QTMAN: variants seen among roughly 807,000 people sequenced by gnomAD.
The protein encoded by QTMAN is queuosine-tRNA mannosyltransferase, also known as tRNA-queuosine alpha-mannosyltransferase.
At chr2:144,275,480 C>A in the QTMAN span, among the ~76,000 whole-genome samples, 1 of 152,028 alleles carries the variant, frequency 6.6e-6, no homozygotes, top group African/African-American at 2.4e-5. Context: ...ACTTCAAAAT[C>A]TGACCTATGC....
the QTMAN span, chr2:144,176,992 T>A: frequency 1.8e-6 from 1 of 558,010 alleles, no homozygotes; most frequent in East Asian, 2.8e-5. Flanking sequence ...ATGTCTTACA[T>A]GGTCAGAGCA....
chr2:144,306,722 A>G, the QTMAN span, among the ~76,000 whole-genome samples: 1 of 152,230 alleles, frequency 6.6e-6, no homozygotes, highest in East Asian at 1.9e-4. Flanking sequence ...CAATTAAGCA[A>G]ATCAAATTTT....
chr2:144,061,482 ACT>A, the QTMAN span, among the ~76,000 whole-genome samples: 3 of 152,118 alleles, frequency 2.0e-5, no homozygotes, highest in African/African-American at 4.8e-5. Context: ...CTGTGGCATC[ACT>A]CTGTTGACTT....
chr2:144,042,447 A>C, the QTMAN span, among the ~76,000 whole-genome samples: 6 of 152,062 alleles, frequency 3.9e-5, no homozygotes, highest in African/African-American at 1.4e-4. Context: ...GAGAGGAATA[A>C]AAGCTCCCTT....
chr2:144,118,097 C>T, the QTMAN span, among the ~76,000 whole-genome samples: 21 of 152,270 alleles, frequency 1.4e-4, no homozygotes, highest in East Asian at 3.1e-3. Context: ...CTGCCCACCT[C>T]GGCCTCCCAA....
chr2:144,043,227 T>TTGTGTGTGTGTGTG, the QTMAN span, among the ~76,000 whole-genome samples: 92 of 148,692 alleles, frequency 6.2e-4, 1 homozygote, highest in African/African-American at 2.1e-3. Context: ...ATGTGTGAAT[T>TTGTGTGTGTGTGTG]TGTGTGTGTG....
At chr2:144,269,439 A>T in the QTMAN span, among the ~76,000 whole-genome samples, 1 of 152,204 alleles carries the variant, frequency 6.6e-6, no homozygotes, top group Non-Finnish European at 1.5e-5. Context: ...TGATATCGTT[A>T]ATTTTTAACT....
At chr2:144,052,859 G>C in the QTMAN span, among the ~76,000 whole-genome samples, 3 of 152,110 alleles carry the variant, frequency 2.0e-5, no homozygotes, top group Non-Finnish European at 4.4e-5. Flanking sequence ...CCATTGGTCA[G>C]GCTGGTCTCA....
At chr2:144,092,929 G>A in the QTMAN span, among the ~76,000 whole-genome samples, 54 of 151,006 alleles carry the variant, frequency 3.6e-4, no homozygotes, top group Admixed American at 2.0e-3. Context: ...CTGAGTATCT[G>A]GGGAAAACCA....
the QTMAN span, among the ~76,000 whole-genome samples, chr2:144,100,993 C>A: frequency 6.6e-6 from 1 of 151,560 alleles, no homozygotes; most frequent in Non-Finnish European, 1.5e-5. Flanking sequence ...CCTCAGCCTC[C>A]CCAGTAGCTG....
the QTMAN span, among the ~76,000 whole-genome samples, chr2:144,114,778 A>G: frequency 6.6e-6 from 1 of 152,232 alleles, no homozygotes; most frequent in South Asian, 2.1e-4. Flanking sequence ...TGTATAACGG[A>G]CTTGTTATTA....
At chr2:144,198,151 G>A in the QTMAN span, among the ~76,000 whole-genome samples, 1 of 151,872 alleles carries the variant, frequency 6.6e-6, no homozygotes, top group Non-Finnish European at 1.5e-5. Context: ...CATTTGAGCT[G>A]AGGAGTTCAA....
the QTMAN span, among the ~76,000 whole-genome samples, chr2:144,309,829 C>A: frequency 6.6e-6 from 1 of 151,816 alleles, no homozygotes; most frequent in African/African-American, 2.4e-5. Context: ...CCCAAAGATA[C>A]AATAAAAGAC....
chr2:144,025,880 T>C, the QTMAN span, among the ~76,000 whole-genome samples: 1 of 152,196 alleles, frequency 6.6e-6, no homozygotes, highest in African/African-American at 2.4e-5. Context: ...AACAGATGTA[T>C]AAGTAACCGG....
At chr2:144,015,837 A>C in the QTMAN span, among the ~76,000 whole-genome samples, 2 of 152,286 alleles carry the variant, frequency 1.3e-5, no homozygotes, top group African/African-American at 4.8e-5. Flanking sequence ...GCACTTCCTC[A>C]ATTTTGGAGT....
At chr2:144,255,580 G>A in the QTMAN span, among the ~76,000 whole-genome samples, 1 of 152,156 alleles carries the variant, frequency 6.6e-6, no homozygotes, top group South Asian at 2.1e-4. Context: ...ATTGCTAAGT[G>A]AAAGAAGTTA....
chr2:143,938,602 C>T, the QTMAN span: 1 of 152,072 alleles, frequency 6.6e-6, no homozygotes, highest in African/African-American at 2.4e-5. Flanking sequence ...TTTGCTTAGT[C>T]ATTTTTACCC....
the QTMAN span, among the ~76,000 whole-genome samples, chr2:144,085,617 G>C: frequency 2.6e-5 from 4 of 152,150 alleles, no homozygotes; most frequent in East Asian, 1.9e-4. Flanking sequence ...TGAGAATCTA[G>C]ACAGTGAGAA....
chr2:143,973,799 A>G, the QTMAN span, among the ~76,000 whole-genome samples: 1 of 152,032 alleles, frequency 6.6e-6, no homozygotes, highest in African/African-American at 2.4e-5. Context: ...AAAAAAAAAA[A>G]AAAGAAAAAT....
Sources: allele counts gnomAD v4.1 joint callset (sites outside exome capture counted in the v4.1 genomes callset), GRCh38; gene constraint gnomAD v4.1.1; transcripts MANE v1.5; gene names NCBI Gene and HGNC (gene_info 2026-07-23, HGNC 2026-07-21).